Variants in CCDC91 observed in about 807,000 individuals in gnomAD.
CCDC91 encodes the protein coiled-coil domain-containing protein 91.
A neutral mutation model predicts 63.2 loss-of-function variants in CCDC91; 48 were observed. The ratio of observed to expected loss-of-function variants is 0.76; its 90% CI spans 0.60 to 0.97. CCDC91 has a LOEUF of 0.97. Among genes scored for constraint, CCDC91 ranks in the 50% least tolerant of loss-of-function variants. CCDC91 has a pLI of 0.00. For synonymous variants in CCDC91, 167 were observed against 165.8 expected (o/e 1.01, Z -0.06); for missense variants, 500 against 494.6 (o/e 1.01, Z -0.10).
At chr12:28,416,327 A>G (rs1011053031) in intron 8 of CCDC91, among the ~76,000 whole-genome samples, 1 of 152,146 alleles carries the variant, frequency 6.6e-6, no homozygotes, top group Non-Finnish European at 1.5e-5. Context: ...GTCTTACCCA[A>G]AAGCTTCTGG....
At chr12:28,352,407 AT>A (rs903765133) in intron 6 of CCDC91, among the ~76,000 whole-genome samples, 3 of 152,218 alleles carry the variant, frequency 2.0e-5, no homozygotes, top group African/African-American at 4.8e-5. Flanking sequence ...TTCTTTCAAA[AT>A]TGGAGTAAGT....
chr12:28,386,629 A>G (rs1246586319), intron 7 of CCDC91, among the ~76,000 whole-genome samples: 1 of 152,168 alleles, frequency 6.6e-6, no homozygotes, highest in Non-Finnish European at 1.5e-5. Flanking sequence ...GGCCTCCCAA[A>G]GTACTGGGAT....
chr12:28,241,087 G>C (rs1046949794), intron 1 of CCDC91, among the ~76,000 whole-genome samples: 3 of 152,112 alleles, frequency 2.0e-5, no homozygotes, highest in African/African-American at 7.2e-5. Flanking sequence ...TGCTAGTCTG[G>C]TAGGTATGTG....
At chr12:28,228,978 A>G (rs1027292181) in intron 1 of CCDC91, among the ~76,000 whole-genome samples, 2 of 152,162 alleles carry the variant, frequency 1.3e-5, no homozygotes, top group Non-Finnish European at 2.9e-5. Flanking sequence ...AAAGGATAGT[A>G]CAACATAAAA....
At chr12:28,281,503 C>G (rs184474479) in intron 3 of CCDC91, among the ~76,000 whole-genome samples, 1 of 152,254 alleles carries the variant, frequency 6.6e-6, no homozygotes, top group East Asian at 1.9e-4. Flanking sequence ...TTAAAGTAAA[C>G]TTATTATGGA....
At chr12:28,197,374 G>A (rs982530073) in intron 1 of CCDC91, among the ~76,000 whole-genome samples, 1 of 152,058 alleles carries the variant, frequency 6.6e-6, no homozygotes, top group African/African-American at 2.4e-5. Context: ...CAGAATTACT[G>A]ATGAATTACG....
intron 6 of CCDC91, among the ~76,000 whole-genome samples, chr12:28,347,678 G>T (rs540127595): frequency 6.6e-6 from 1 of 152,142 alleles, no homozygotes; most frequent in Admixed American, 6.6e-5. Flanking sequence ...AAAACATACT[G>T]ACAATTCCTT....
At chr12:28,234,932 A>G (rs1239265681) in intron 1 of CCDC91, among the ~76,000 whole-genome samples, 3 of 152,092 alleles carry the variant, frequency 2.0e-5, no homozygotes, top group Non-Finnish European at 2.9e-5. Flanking sequence ...AACTGTGTCA[A>G]TTTGCTCATG....
intron 8 of CCDC91, among the ~76,000 whole-genome samples, chr12:28,415,796 A>G (rs1947621435): frequency 6.6e-6 from 1 of 152,078 alleles, no homozygotes; most frequent in Non-Finnish European, 1.5e-5. Context: ...TATAGGAGAC[A>G]TGATTTTAAA....
At chr12:28,414,145 A>C (rs1228861250) in intron 8 of CCDC91, among the ~76,000 whole-genome samples, 7 of 152,228 alleles carry the variant, frequency 4.6e-5, no homozygotes, top group Non-Finnish European at 8.8e-5. Context: ...CCTTTAATAC[A>C]TCAAAACTCG....
intron 6 of CCDC91, among the ~76,000 whole-genome samples, chr12:28,356,489 T>G (rs762050238): frequency 6.6e-6 from 1 of 152,146 alleles, no homozygotes; most frequent in Non-Finnish European, 1.5e-5. Flanking sequence ...TTTTCATGTA[T>G]GGGTTGTATG....
At chr12:28,229,194 CT>C (rs532627199) in intron 1 of CCDC91, among the ~76,000 whole-genome samples, 1,681 of 141,828 alleles carry the variant, frequency 0.012, 9 homozygotes, top group Middle Eastern at 0.07. Context: ...GCTGCTGCTG[CT>C]TTTTTTTTTT....
intron 3 of CCDC91, among the ~76,000 whole-genome samples, chr12:28,293,033 T>C (rs995297036): frequency 6.6e-6 from 1 of 152,230 alleles, no homozygotes; most frequent in Non-Finnish European, 1.5e-5. Context: ...TATTTCTATT[T>C]TATGATTTAA....
At chr12:28,369,841 T>A (rs1328519088) in intron 7 of CCDC91, among the ~76,000 whole-genome samples, 2 of 152,162 alleles carry the variant, frequency 1.3e-5, no homozygotes, top group African/African-American at 2.4e-5. Flanking sequence ...TCTGAGGCAA[T>A]GGACCGAGCT....
intron 12 of CCDC91, among the ~76,000 whole-genome samples, chr12:28,519,726 C>G (rs1313839915): frequency 5.7e-5 from 7 of 123,864 alleles, no homozygotes; most frequent in Non-Finnish European, 1.2e-4. Context: ...CCCCTCCCCC[C>G]ACCCCACAAC....
intron 12 of CCDC91, among the ~76,000 whole-genome samples, chr12:28,539,894 T>C (rs146434606): frequency 6.6e-6 from 1 of 152,228 alleles, no homozygotes; most frequent in African/African-American, 2.4e-5. Flanking sequence ...TCCTGAATGA[T>C]GAGGAAGAGC....
At chr12:28,352,722 A>G (rs1943261386) in intron 6 of CCDC91, among the ~76,000 whole-genome samples, 1 of 152,218 alleles carries the variant, frequency 6.6e-6, no homozygotes, top group Admixed American at 6.5e-5. Flanking sequence ...TGGTCTTAAA[A>G]TATTTGGTAA....
intron 1 of CCDC91, among the ~76,000 whole-genome samples, chr12:28,207,664 A>G (rs1401827670): frequency 6.6e-6 from 1 of 152,250 alleles, no homozygotes; most frequent in African/African-American, 2.4e-5. Flanking sequence ...TCTGAAGAAT[A>G]TGGAATGGAA....
chr12:28,472,254 A>C (rs1415549945), intron 11 of CCDC91, among the ~76,000 whole-genome samples: 3 of 152,304 alleles, frequency 2.0e-5, no homozygotes, highest in Non-Finnish European at 4.4e-5. Flanking sequence ...TTGCAGATAC[A>C]TGAAAGAGCC....
Sources: allele counts gnomAD v4.1 joint callset (sites outside exome capture counted in the v4.1 genomes callset), GRCh38; gene constraint gnomAD v4.1.1; transcripts MANE v1.5; gene names NCBI Gene and HGNC (gene_info 2026-07-23, HGNC 2026-07-21).